The following SLC39A11 variants were observed in gnomAD, a reference collection of about 807,000 sequenced individuals.
SLC39A11 encodes zinc transporter ZIP11.
SLC39A11 carries 33 observed loss-of-function variants against 36.1 expected under a neutral mutation model. The observed-to-expected ratio is 0.91, with a 90% CI of 0.69 to 1.22. The LOEUF (loss-of-function observed/expected upper bound fraction) is 1.22. Ranked by LOEUF, SLC39A11 falls within the 50% of genes most tolerant of loss-of-function variation. SLC39A11 has a pLI of 0.00. For synonymous variants in SLC39A11, 166 were observed against 170.3 expected, an observed-to-expected ratio of 0.97 and a Z score of 0.20; for missense variants, 432 against 430.3, an observed-to-expected ratio of 1.00 and a Z score of -0.03.
chr17:72,900,225 G>GAA (rs879390446), intron 5 of SLC39A11, among the ~76,000 whole-genome samples: 2 of 143,670 alleles, frequency 1.4e-5, no homozygotes, highest in Admixed American at 1.4e-4. Context: ...AAGAAAGAAA[G>GAA]AAAGAAAAAG....
At chr17:73,084,608 C>T (rs8079240) in intron 3 of SLC39A11, among the ~76,000 whole-genome samples, 200 bp downstream of exon 3, 119,881 of 151,976 alleles carry the variant, frequency 0.79, 47,410 homozygotes, top group East Asian at 0.88. Context: ...TCAAATAAAC[C>T]TCGATTGCTG....
intron 5 of SLC39A11, among the ~76,000 whole-genome samples, chr17:72,872,295 C>A (rs1350315965): frequency 1.3e-5 from 2 of 152,078 alleles, no homozygotes; most frequent in Admixed American, 1.3e-4. Context: ...ACATGGGAAA[C>A]CCTAGGATAC....
intron 7 of SLC39A11, among the ~76,000 whole-genome samples, chr17:72,671,526 G>C (rs1441852738): frequency 6.6e-6 from 1 of 152,130 alleles, no homozygotes; most frequent in African/African-American, 2.4e-5. Flanking sequence ...TTCGAGACCA[G>C]CCTGGCCAAA....
At chr17:72,733,461 A>C (rs1246026576) in intron 7 of SLC39A11, among the ~76,000 whole-genome samples, 1 of 152,184 alleles carries the variant, frequency 6.6e-6, no homozygotes, top group Non-Finnish European at 1.5e-5. Flanking sequence ...GAATGAATGA[A>C]TGAGTGGAGA....
chr17:72,757,605 C>T (rs115109015), intron 6 of SLC39A11, among the ~76,000 whole-genome samples: 1,563 of 152,018 alleles, frequency 0.01, 33 homozygotes, highest in African/African-American at 0.033. Flanking sequence ...CACCATGGGG[C>T]CTTTGCCCAT....
chr17:72,950,921 G>A lies in SLC39A11; in HGVS notation c.307-3046C>T, dbSNP rs192335350. Among the ~76,000 whole-genome samples the A allele has an allele frequency of 1.6e-3, 237 of 152,118 alleles. 2 individuals are homozygous for A. Among genetic ancestry groups the A allele is most frequent in the Non-Finnish European group, 7.1e-4 (48 of 67,986 alleles). On this transcript the variant is annotated intron_variant, in intron 4 of 9. Transcript: ENST00000255559. ...GATATCTCTAGTGGGTAGAGACCAC[G>A]GATGCTATGAAATATTCAACAATGC...
At chr17:72,857,305 G>T (rs2079696726) in intron 5 of SLC39A11, among the ~76,000 whole-genome samples, 1 of 152,102 alleles carries the variant, frequency 6.6e-6, no homozygotes, top group Non-Finnish European at 1.5e-5. Flanking sequence ...TCCCAAAAAA[G>T]ACATGATCTC....
chr17:72,741,928 A>T (rs2074723536), intron 6 of SLC39A11, among the ~76,000 whole-genome samples: 1 of 152,174 alleles, frequency 6.6e-6, no homozygotes, highest in South Asian at 2.1e-4. Flanking sequence ...AGCCGGGCAC[A>T]GTGGCTCCCG....
At chr17:72,801,223 T>C (rs535339294) in intron 6 of SLC39A11, among the ~76,000 whole-genome samples, 1 of 152,332 alleles carries the variant, frequency 6.6e-6, no homozygotes, top group African/African-American at 2.4e-5. Flanking sequence ...ATATGCTTTT[T>C]CCTTTTCTTT....
Position 72,646,922 on chromosome 17 carries a change from C to G in SLC39A11, c.*662G>C, listed in dbSNP as rs975855529. On this transcript the variant is annotated 3_prime_UTR_variant, in exon 10 of 10. Coordinates refer to ENST00000255559, the MANE Select transcript of SLC39A11 (RefSeq NM_139177.4). ...GTTCACAGTTGTCCTCATCCCCTTT[C>G]CTTCAATAATGTCAATCTTTGCCTT... 1 of 149,388 alleles carries G rather than the reference C, an allele frequency of 6.7e-6. No individual in the cohort carries two copies. The highest frequency in any genetic ancestry group is 2.5e-5 in the African/African-American group (1 of 40,242). The allele number at this position is 149,388 out of a possible 1,614,324, so 9.3% of individuals were successfully genotyped here.
intron 6 of SLC39A11, among the ~76,000 whole-genome samples, chr17:72,740,352 A>T (rs906012126): frequency 2.0e-5 from 3 of 152,100 alleles, no homozygotes; most frequent in Non-Finnish European, 4.4e-5. Flanking sequence ...GGCGTAAGCC[A>T]CCGCGCCCGG....
intron 4 of SLC39A11, among the ~76,000 whole-genome samples, chr17:72,961,039 T>C (rs2086576933): frequency 6.6e-6 from 1 of 152,248 alleles, no homozygotes; most frequent in African/African-American, 2.4e-5. Context: ...AGAGAGAGTG[T>C]GTGCACAAAA....
intron 6 of SLC39A11, among the ~76,000 whole-genome samples, chr17:72,755,048 G>T (rs576993864): frequency 8.7e-6 from 1 of 114,690 alleles, no homozygotes; most frequent in African/African-American, 3.5e-5. Flanking sequence ...ATTAGGCAGG[G>T]CCAGTGTGTC....
At chr17:72,965,850 C>G (rs2086933789) in intron 4 of SLC39A11, among the ~76,000 whole-genome samples, 1 of 152,174 alleles carries the variant, frequency 6.6e-6, no homozygotes, top group Non-Finnish European at 1.5e-5. Context: ...GATACCTGAC[C>G]TTGTCACTTC....
chr17:73,067,662 CTT>C (rs1006056437), intron 3 of SLC39A11, among the ~76,000 whole-genome samples: 2 of 152,094 alleles, frequency 1.3e-5, no homozygotes, highest in African/African-American at 4.8e-5. Context: ...TAATGACCAT[CTT>C]TTATGATGAC....
At chr17:72,944,438 A>T (rs937554224) in intron 5 of SLC39A11, among the ~76,000 whole-genome samples, 1 of 152,212 alleles carries the variant, frequency 6.6e-6, no homozygotes, top group Non-Finnish European at 1.5e-5. Context: ...AGTGGGGACA[A>T]CTGAGACAGA....
intron 4 of SLC39A11, among the ~76,000 whole-genome samples, chr17:72,974,159 G>A (rs1206154604): frequency 6.6e-6 from 1 of 152,162 alleles, no homozygotes; most frequent in Non-Finnish European, 1.5e-5. Flanking sequence ...GGAGTGCAGT[G>A]GCGCGATCTG....
chr17:72,934,204 T>A (rs959337085), intron 5 of SLC39A11, among the ~76,000 whole-genome samples: 1 of 151,188 alleles, frequency 6.6e-6, no homozygotes, highest in Non-Finnish European at 1.5e-5. Context: ...AAAGCACAAT[T>A]CATAAAACAA....
At position 73,045,370 on chromosome 17, in the gene SLC39A11, G is replaced by T. The variant is rs2059247515; in HGVS notation, c.148-13656C>A. 2.8e-5 allele frequency among the ~76,000 whole-genome samples: 3 copies of T among 107,640 alleles called. No homozygotes were observed. In the South Asian group the frequency reaches 1.1e-3, roughly 41 times the overall value. 70.6% of individuals were successfully genotyped at this position (107,640 alleles called of 152,430 possible). ...CCAGTCACCTAATTCTACCTCCAGT[G>T]CCATGAAAACAGAGTTAAAAAAAAA... On this transcript the variant is annotated intron_variant, in intron 3 of 9. Transcript: ENST00000255559.
Sources: allele counts gnomAD v4.1 joint callset (sites outside exome capture counted in the v4.1 genomes callset), GRCh38; gene constraint gnomAD v4.1.1; transcripts MANE v1.5; gene names NCBI Gene and HGNC (gene_info 2026-07-23, HGNC 2026-07-21).